The following ANO3 variants were observed in gnomAD, a reference collection of about 807,000 sequenced individuals.
The protein encoded by ANO3 is anoctamin-3.
In ANO3, 99 loss-of-function variants were observed where a neutral mutation model predicts 144.8. That is an observed-to-expected ratio of 0.68 (90% CI 0.58 to 0.81). The LOEUF is 0.81. ANO3 is among the 30% of genes least tolerant of loss of function. ANO3 has a pLI of 0.00. For missense variants in ANO3, 905 were observed against 1,202.2 expected (o/e 0.75, Z 3.66); for synonymous variants, 414 against 392.6 (o/e 1.05, Z -0.64).
chr11:26,567,881 C>T (rs1375556576), intron 14 of ANO3, among the ~76,000 whole-genome samples: 1 of 151,914 alleles, frequency 6.6e-6, no homozygotes, highest in Admixed American at 6.6e-5. Context: ...ACATAATGCA[C>T]TGCTTGAAAC....
At chr11:26,325,364 T>G (rs989420752) in intron 1 of ANO3, among the ~76,000 whole-genome samples, 1 of 152,136 alleles carries the variant, frequency 6.6e-6, no homozygotes, top group East Asian at 1.9e-4. Context: ...TCCTGTTACT[T>G]AGAGGAATTA....
chr11:26,525,820 C>A (rs1849148495), intron 7 of ANO3, 141 bp downstream of exon 7: 1 of 606,838 alleles, frequency 1.6e-6, no homozygotes, highest in East Asian at 3.1e-5. Flanking sequence ...TCCAAAATAA[C>A]TTATGCCAAA....
intron 18 of ANO3, among the ~76,000 whole-genome samples, chr11:26,627,744 T>C (rs934844574): frequency 6.6e-6 from 1 of 152,010 alleles, no homozygotes; most frequent in Admixed American, 6.6e-5. Context: ...GATTCATCAT[T>C]TAACTAATAA....
intron 1 of ANO3, among the ~76,000 whole-genome samples, chr11:26,224,929 T>G (rs189342675): frequency 9.1e-4 from 138 of 152,282 alleles, no homozygotes; most frequent in Non-Finnish European, 1.8e-3. Flanking sequence ...ATCCATCTTC[T>G]CTTGCTTGGA....
At chr11:26,337,841 A>G (rs374552186) in intron 1 of ANO3, among the ~76,000 whole-genome samples, 2 of 152,140 alleles carry the variant, frequency 1.3e-5, no homozygotes, top group African/African-American at 2.4e-5. Context: ...AGGCTGAGGC[A>G]GGAGAATCAC....
intron 13 of ANO3, chr11:26,559,267 G>A (rs1850186832): frequency 6.3e-6 from 1 of 158,082 alleles, no homozygotes. Flanking sequence ...AAGAGAATAG[G>A]GTTAGCTATG....
intron 4 of ANO3, among the ~76,000 whole-genome samples, chr11:26,474,782 G>A (rs922199756): frequency 2.0e-5 from 3 of 151,802 alleles, no homozygotes; most frequent in African/African-American, 7.2e-5. Context: ...ATAAGATCAT[G>A]TAGCATAGAT....
chr11:26,403,113 T>C (rs901529652), intron 1 of ANO3, among the ~76,000 whole-genome samples: 1 of 151,992 alleles, frequency 6.6e-6, no homozygotes, highest in Non-Finnish European at 1.5e-5. Context: ...CTGCATTCTC[T>C]TGGTGTGGTT....
chr11:26,270,507 C>A (rs557805420), intron 1 of ANO3, among the ~76,000 whole-genome samples: 1 of 152,136 alleles, frequency 6.6e-6, no homozygotes, highest in African/African-American at 2.4e-5. Context: ...TCTCTTTTTA[C>A]ATTTAAGCAC....
At chr11:26,227,912 G>T (rs1451400841) in intron 1 of ANO3, among the ~76,000 whole-genome samples, 5 of 152,076 alleles carry the variant, frequency 3.3e-5, no homozygotes. Flanking sequence ...AGTGTGATTG[G>T]AAAGTCAGCC....
chr11:26,611,937 T>TG (rs1852110892), intron 17 of ANO3, among the ~76,000 whole-genome samples: 1 of 152,188 alleles, frequency 6.6e-6, no homozygotes, highest in Non-Finnish European at 1.5e-5. Flanking sequence ...TGCTCACTTT[T>TG]GGTTTGCATT....
upstream of ANO3, among the ~76,000 whole-genome samples, chr11:26,305,485 C>A (rs193082201): frequency 1.3e-5 from 2 of 151,650 alleles, no homozygotes; most frequent in Admixed American, 6.6e-5. Context: ...AGAAGAGAGA[C>A]CTAATGTTTG....
At chr11:26,313,560 G>T (rs1590253160) in intron 1 of ANO3, among the ~76,000 whole-genome samples, 1 of 151,942 alleles carries the variant, frequency 6.6e-6, no homozygotes, top group South Asian at 2.1e-4. Context: ...GGTGGTGCGT[G>T]CCTATAGTCC....
At chr11:26,496,808 A>G (rs1028473984) in intron 4 of ANO3, among the ~76,000 whole-genome samples, 6 of 152,104 alleles carry the variant, frequency 3.9e-5, no homozygotes, top group Admixed American at 3.3e-4. Context: ...ATTTCACTTA[A>G]GGTAATGGAC....
chr11:26,496,191 G>A (rs1297972031), intron 4 of ANO3, among the ~76,000 whole-genome samples: 2 of 152,126 alleles, frequency 1.3e-5, no homozygotes, highest in Non-Finnish European at 2.9e-5. Flanking sequence ...TGACCTCTCT[G>A]TGTTGAGCTT....
At chr11:26,201,984 C>T (rs546115882) in intron 1 of ANO3, among the ~76,000 whole-genome samples, 48 of 150,912 alleles carry the variant, frequency 3.2e-4, no homozygotes, top group African/African-American at 1.1e-3. Flanking sequence ...TTTACACTTA[C>T]GATATCTGTT....
At chr11:26,200,167 A>C (rs1177138651) in intron 1 of ANO3, among the ~76,000 whole-genome samples, 3 of 152,172 alleles carry the variant, frequency 2.0e-5, no homozygotes, top group African/African-American at 7.2e-5. Flanking sequence ...CTTTTACTGT[A>C]ATGTTGGAGC....
chr11:26,519,476 G>T (rs1308767422), intron 6 of ANO3, among the ~76,000 whole-genome samples: 4 of 152,094 alleles, frequency 2.6e-5, no homozygotes, highest in African/African-American at 9.7e-5. Context: ...GATTGGTTTG[G>T]GATAGTAGAA....
chr11:26,597,997 C>T (rs372397246), intron 14 of ANO3, among the ~76,000 whole-genome samples: 3 of 152,270 alleles, frequency 2.0e-5, no homozygotes, highest in African/African-American at 7.2e-5. Flanking sequence ...TAGCATTTGG[C>T]CTTTATTGTG....
Sources: gnomAD v4.1 joint callset for allele counts (sites outside exome capture counted in the v4.1 genomes callset) on GRCh38, gnomAD v4.1.1 for gene constraint, MANE v1.5 for transcripts, NCBI Gene and HGNC (gene_info 2026-07-23, HGNC 2026-07-21) for gene names.